Variants in NALCN observed in about 807,000 individuals in gnomAD.
The protein encoded by NALCN is sodium leak channel, non-selective.
NALCN carries 111 observed loss-of-function variants against 225.3 expected under a neutral mutation model. The observed-to-expected ratio is 0.49, with a 90% confidence interval of 0.42 to 0.58. The LOEUF is 0.58. Among genes scored for constraint, NALCN ranks in the 20% least tolerant of loss-of-function variants. The pLI, the probability that NALCN is intolerant of heterozygous loss-of-function variation, is 0.00. For synonymous variants in NALCN, 764 were observed against 769.0 expected (o/e 0.99, Z 0.11); for missense variants, 1,378 against 2,202.4 (o/e 0.63, Z 7.49).
At chr13:101,217,902 C>A (rs576069571) in intron 13 of NALCN, among the ~76,000 whole-genome samples, 2 of 152,098 alleles carry the variant, frequency 1.3e-5, no homozygotes, top group Admixed American at 1.3e-4. Context: ...CTTTCTACCA[C>A]GTCTATTTAC....
chr13:101,413,986 C>A (rs9513893), intron 1 of NALCN, among the ~76,000 whole-genome samples: 114,177 of 151,688 alleles, frequency 0.75, 43,791 homozygotes, highest in African/African-American at 0.88. Context: ...TCTGGGCTCA[C>A]GCGATCCTTC....
At chr13:101,087,758 A>G (rs188671676) in intron 30 of NALCN, among the ~76,000 whole-genome samples, 1 of 152,266 alleles carries the variant, frequency 6.6e-6, no homozygotes. Flanking sequence ...CTCTAAGCTC[A>G]AGTGTTGCAA....
chr13:101,398,914 T>C (rs2139506630), intron 2 of NALCN, 105 bp downstream of exon 2: 4 of 691,322 alleles, frequency 5.8e-6, no homozygotes, highest in Non-Finnish European at 1.0e-5. Flanking sequence ...CATATTCTAC[T>C]GCAGCTCAGA....
intron 6 of NALCN, among the ~76,000 whole-genome samples, chr13:101,354,295 A>G (rs1454631638): frequency 6.6e-6 from 1 of 152,224 alleles, no homozygotes; most frequent in South Asian, 2.1e-4. Context: ...CTGAGCCAAC[A>G]TCATGCCACT....
chr13:101,398,405 C>G (rs879673635), intron 2 of NALCN, among the ~76,000 whole-genome samples: 1 of 152,152 alleles, frequency 6.6e-6, no homozygotes, highest in Non-Finnish European at 1.5e-5. Flanking sequence ...GTTGATCCTG[C>G]TTGGTTTTGC....
In NALCN at chr13:101,103,691, C is replaced by A. The variant is rs866509530; in HGVS notation, c.2890-352G>T. 1.2e-4 allele frequency among the ~76,000 whole-genome samples: 18 copies of A among 152,168 alleles called. 1 individual carries two copies. The highest frequency in any genetic ancestry group is 3.2e-3 in the Middle Eastern group (1 of 316). The stretch of plus-strand genomic sequence containing the variant: ...TTACTGCTATTTTATTAATGACCTG[C>A]AACATGCTACTTGTTAATGATCACA... On this transcript the variant is annotated intron_variant, in intron 25 of 43. Coordinates refer to ENST00000251127, the MANE Select transcript of NALCN (RefSeq NM_052867.4).
intron 7 of NALCN, among the ~76,000 whole-genome samples, chr13:101,337,324 T>A (rs146833970): frequency 0.013 from 1,636 of 123,410 alleles, 20 homozygotes; most frequent in African/African-American, 0.046. Context: ...TTATTTATTT[T>A]TTGAGACAGA....
At chr13:101,209,444 C>T (rs989614515) in intron 13 of NALCN, among the ~76,000 whole-genome samples, 1 of 152,028 alleles carries the variant, frequency 6.6e-6, no homozygotes, top group African/African-American at 2.4e-5. Context: ...ACATGAGTGT[C>T]CTCATGATGA....
At chr13:101,275,348 C>T (rs2042935630) in intron 10 of NALCN, among the ~76,000 whole-genome samples, 1 of 152,164 alleles carries the variant, frequency 6.6e-6, no homozygotes, top group Non-Finnish European at 1.5e-5. Context: ...GTGGCTCAAA[C>T]GGAGAGTGAG....
chr13:101,182,273 C>A (rs2039270887), intron 14 of NALCN, among the ~76,000 whole-genome samples: 2 of 152,086 alleles, frequency 1.3e-5, no homozygotes, highest in African/African-American at 4.8e-5. Context: ...GGCATGCCAG[C>A]TGCACTGACT....
chr13:101,066,308 C>CAAAAA (rs72260451), intron 39 of NALCN, among the ~76,000 whole-genome samples: 2 of 125,146 alleles, frequency 1.6e-5, no homozygotes, highest in African/African-American at 5.8e-5. Context: ...GACTCCATCT[C>CAAAAA]AAAAAAAAAA....
chr13:101,249,004 C>A, intron 11 of NALCN, among the ~76,000 whole-genome samples: 1 of 152,040 alleles, frequency 6.6e-6, no homozygotes. Flanking sequence ...CAGTTAGTAT[C>A]TCGAGTAAGG....
intron 7 of NALCN, among the ~76,000 whole-genome samples, chr13:101,323,269 A>G (rs2044819766): frequency 6.6e-6 from 1 of 152,188 alleles, no homozygotes; most frequent in East Asian, 1.9e-4. Flanking sequence ...CAAATTTCTT[A>G]GCTTAAATAA....
chr13:101,360,508 C>G (rs539474615), intron 6 of NALCN, among the ~76,000 whole-genome samples: 2 of 152,120 alleles, frequency 1.3e-5, no homozygotes, highest in African/African-American at 2.4e-5. Context: ...GCTGGGATTA[C>G]AGGCATGAGC....
intron 12 of NALCN, 52 bp from the exon 13 acceptor site, chr13:101,229,636 C>A: frequency 7.4e-7 from 1 of 1,358,976 alleles, no homozygotes; most frequent in Non-Finnish European, 9.8e-7. Flanking sequence ...TTTATTTACA[C>A]TGAATCTTAA....
intron 9 of NALCN, among the ~76,000 whole-genome samples, chr13:101,285,349 G>T (rs1490206699): frequency 1.3e-5 from 2 of 151,990 alleles, no homozygotes; most frequent in African/African-American, 4.8e-5. Context: ...GCCCAGGCTG[G>T]AGTGTAGGGG....
chr13:101,206,532 T>C (rs1351149044), intron 13 of NALCN, among the ~76,000 whole-genome samples: 1 of 151,962 alleles, frequency 6.6e-6, no homozygotes, highest in African/African-American at 2.4e-5. Context: ...TTTCTTTCTT[T>C]TAGAACTTTA....
Position 101,061,977 on chromosome 13 carries a change from G to A in NALCN, c.4746C>T (p.Arg1582=). The change falls in exon 41 of 44, where the codon CGC becomes CGT. Residue 1582 remains arginine (R), a synonymous_variant. Coordinates refer to ENST00000251127, the MANE Select transcript of NALCN (RefSeq NM_052867.4). ...TGTGCAGTTCACTCACAGCTCTGAT[G>A]CGCTTCAGGCACTTCTTGAGCCACA... ...IRMWLKKCLK[R]IRAKQQQSCS... 1 of 1,613,880 alleles carries A rather than the reference G, an allele frequency of 6.2e-7. No homozygotes were observed.
intron 20 of NALCN, among the ~76,000 whole-genome samples, chr13:101,108,225 T>A (rs657969): frequency 6.6e-6 from 1 of 151,598 alleles, no homozygotes; most frequent in South Asian, 2.1e-4. Flanking sequence ...CGATTAAATG[T>A]ACATATTTAA....
Sources: gnomAD v4.1 joint callset for allele counts (sites outside exome capture counted in the v4.1 genomes callset) on GRCh38, gnomAD v4.1.1 for gene constraint, MANE v1.5 for transcripts, NCBI Gene and HGNC (gene_info 2026-07-23, HGNC 2026-07-21) for gene names.